NRG3: variants seen among roughly 807,000 people sequenced by gnomAD.
The protein encoded by NRG3 is pro-neuregulin-3, membrane-bound isoform.
Under a neutral mutation model 66.9 loss-of-function variants are expected in NRG3, and 31 were observed. The observed-to-expected ratio is 0.46, with a 90% CI of 0.35 to 0.63. The LOEUF is 0.63. NRG3 is among the 20% of genes least tolerant of loss of function. The pLI, the probability that NRG3 is intolerant of heterozygous loss-of-function variation, is 0.00. For missense variants in NRG3, 910 were observed against 878.9 expected, an observed-to-expected ratio of 1.04 and a Z score of -0.45; for synonymous variants, 393 against 359.4, an observed-to-expected ratio of 1.09 and a Z score of -1.06.
intron 2 of NRG3, among the ~76,000 whole-genome samples, chr10:82,698,624 C>T (rs1351057777): frequency 1.3e-5 from 2 of 152,144 alleles, no homozygotes; most frequent in Non-Finnish European, 2.9e-5. Context: ...AGATTCAAGT[C>T]TTAGCTCTAC....
intron 2 of NRG3, among the ~76,000 whole-genome samples, chr10:82,367,713 G>T (rs1346005204): frequency 5.9e-5 from 9 of 151,998 alleles, no homozygotes; most frequent in Admixed American, 3.3e-4. Context: ...ACATATTCTT[G>T]ACCGAACGTG....
intron 1 of NRG3, among the ~76,000 whole-genome samples, chr10:81,994,072 C>G (rs1356275127): frequency 6.6e-6 from 1 of 152,088 alleles, no homozygotes; most frequent in Non-Finnish European, 1.5e-5. Flanking sequence ...AAGAATAACA[C>G]CATTTCTAGG....
intron 2 of NRG3, among the ~76,000 whole-genome samples, chr10:82,483,602 T>C (rs1842456126): frequency 6.6e-6 from 1 of 152,200 alleles, no homozygotes; most frequent in South Asian, 2.1e-4. Flanking sequence ...AATGTAGCTT[T>C]TCACATTTCA....
At chr10:82,654,040 G>A (rs937002673) in intron 2 of NRG3, among the ~76,000 whole-genome samples, 1 of 152,146 alleles carries the variant, frequency 6.6e-6, no homozygotes, top group African/African-American at 2.4e-5. Flanking sequence ...TTAGACAAGA[G>A]CACTACATTA....
At chr10:82,861,301 C>A (rs900485894) in intron 3 of NRG3, among the ~76,000 whole-genome samples, 1 of 152,082 alleles carries the variant, frequency 6.6e-6, no homozygotes, top group Non-Finnish European at 1.5e-5. Flanking sequence ...AATAATTTCC[C>A]ATTAAAATAC....
chr10:82,076,446 TAGGATGACTC>T (rs1170299267), intron 1 of NRG3, among the ~76,000 whole-genome samples: 2 of 152,226 alleles, frequency 1.3e-5, no homozygotes, highest in African/African-American at 4.8e-5. Flanking sequence ...AGAGCATTTG[TAGGATGACTC>T]AGGAATAAAC....
intron 1 of NRG3, among the ~76,000 whole-genome samples, chr10:81,950,152 C>G (rs1019001756): frequency 6.6e-6 from 1 of 152,156 alleles, no homozygotes; most frequent in African/African-American, 2.4e-5. Flanking sequence ...ATCTTGGGTT[C>G]CACCCTTTTT....
At chr10:82,418,369 T>C (rs892981002) in intron 2 of NRG3, among the ~76,000 whole-genome samples, 1 of 152,346 alleles carries the variant, frequency 6.6e-6, no homozygotes, top group Admixed American at 6.5e-5. Flanking sequence ...TCCAAAGATG[T>C]AATAAAAAAT....
At chr10:82,317,157 T>C (rs1403503001) in intron 1 of NRG3, among the ~76,000 whole-genome samples, 2 of 152,028 alleles carry the variant, frequency 1.3e-5, no homozygotes, top group African/African-American at 4.8e-5. Flanking sequence ...CAAGTGAGAT[T>C]ACAGAAGACA....
At chr10:82,750,632 T>C (rs2058826687) in intron 3 of NRG3, among the ~76,000 whole-genome samples, 1 of 152,110 alleles carries the variant, frequency 6.6e-6, no homozygotes. Flanking sequence ...TATTTATTAT[T>C]TCTGAGTTAT....
At chr10:81,981,545 C>T (rs2060332501) in intron 1 of NRG3, among the ~76,000 whole-genome samples, 1 of 152,088 alleles carries the variant, frequency 6.6e-6, no homozygotes, top group Admixed American at 6.6e-5. Context: ...CCTTGAGTGA[C>T]AGTCCTGTCT....
chr10:82,593,072 T>G (rs1424109110), intron 2 of NRG3, among the ~76,000 whole-genome samples: 1 of 152,220 alleles, frequency 6.6e-6, no homozygotes, highest in East Asian at 1.9e-4. Flanking sequence ...CTCTCTTAGT[T>G]TATTTGAATT....
chr10:82,361,145 A>G (rs745326255), intron 2 of NRG3, among the ~76,000 whole-genome samples: 3 of 152,230 alleles, frequency 2.0e-5, no homozygotes, highest in Non-Finnish European at 2.9e-5. Flanking sequence ...TGCTTTTGTG[A>G]GATGCATGTA....
rs570988361 is a variant in NRG3 at position 82,557,000 on chromosome 10, A to G, written c.954-181577A>G. ...TCTTTTTATGGCTGCATAGTATTCCATGTTGTACATGTACCACATTTTCTT... is the reference window on the plus strand; with the variant it reads ...TCTTTTTATGGCTGCATAGTATTCCGTGTTGTACATGTACCACATTTTCTT... On this transcript the variant is annotated intron_variant, in intron 2 of 8. Transcript: ENST00000372141. 4.0e-3 allele frequency among the ~76,000 whole-genome samples: 608 copies of G among 152,304 alleles called. 6 individuals carry two copies. The highest frequency in any genetic ancestry group is 0.014 in the African/African-American group (587 of 41,574).
At chr10:82,176,638 G>T (rs1444590038) in intron 1 of NRG3, among the ~76,000 whole-genome samples, 3 of 152,032 alleles carry the variant, frequency 2.0e-5, no homozygotes, top group Non-Finnish European at 4.4e-5. Flanking sequence ...CTGTAGAGTT[G>T]CCTGTACCTT....
intron 2 of NRG3, among the ~76,000 whole-genome samples, chr10:82,532,469 CTA>C (rs936518793): frequency 1.3e-4 from 19 of 147,692 alleles, no homozygotes; most frequent in African/African-American, 4.0e-4. Context: ...CAATGGATTA[CTA>C]TATATATAGT....
chr10:82,332,551 A>G (rs1168501431), intron 1 of NRG3, among the ~76,000 whole-genome samples: 2 of 152,162 alleles, frequency 1.3e-5, no homozygotes, highest in East Asian at 3.9e-4. Context: ...GTGCTTGCAT[A>G]CTTGTAATAA....
intron 1 of NRG3, among the ~76,000 whole-genome samples, chr10:82,175,618 C>G (rs2072967607): frequency 6.6e-6 from 1 of 152,160 alleles, no homozygotes; most frequent in Non-Finnish European, 1.5e-5. Flanking sequence ...TAAACATTTC[C>G]ATAACATGTT....
chr10:82,620,227 GC>G (rs1168894844), intron 2 of NRG3, among the ~76,000 whole-genome samples: 2 of 152,180 alleles, frequency 1.3e-5, no homozygotes, highest in Non-Finnish European at 2.9e-5. Flanking sequence ...GTCGCGTGGG[GC>G]TGCTGCTGTC....
Sources: allele counts gnomAD v4.1 joint callset (sites outside exome capture counted in the v4.1 genomes callset), GRCh38; gene constraint gnomAD v4.1.1; transcripts MANE v1.5; gene names NCBI Gene and HGNC (gene_info 2026-07-23, HGNC 2026-07-21).